ARHGAP32: variants seen among roughly 807,000 people sequenced by gnomAD.
ARHGAP32 encodes rho GTPase-activating protein 32.
A neutral mutation model predicts 186.5 loss-of-function variants in ARHGAP32; 51 were observed. The observed-to-expected ratio is 0.27, with a 90% CI of 0.22 to 0.35. The LOEUF is 0.35. Ranked by LOEUF, ARHGAP32 falls within the 10% of genes least tolerant of loss-of-function variation. ARHGAP32 has a pLI of 1.00. For missense variants in ARHGAP32, 2,186 were observed against 2,623.5 expected, an observed-to-expected ratio of 0.83 and a Z score of 3.64; for synonymous variants, 950 against 964.3, an observed-to-expected ratio of 0.99 and a Z score of 0.27.
Position 128,969,736 on chromosome 11 carries a change from C to T in ARHGAP32, c.5477G>A (p.Ser1826Asn), listed in dbSNP as rs147999435. The T allele has an allele frequency of 3.1e-6, 5 of 1,614,026 alleles. No homozygotes were observed. The highest frequency in any genetic ancestry group is 1.3e-5 in the African/African-American group (1 of 74,906). Residue 1826 changes from serine (S) to asparagine (N), a missense_variant, in exon 23 of 23, where the codon AGC (serine) becomes AAC (asparagine). Physicochemically the swap from Ser to Asn is conservative, Grantham distance 46. Coordinates refer to ENST00000682385, the MANE Select transcript of ARHGAP32 (RefSeq NM_001378024.1). This position sits in a 1 kb window ranked among gnomAD's most constrained non-coding sequence, Gnocchi z 4.8. ...ACTGATGGCCTTGGCTGCATGGCGG[C>T]TCTCCTTTCCTTCTGCCACTGAGAG... ...GLLSVAEGKE[S>N]RHAAKAISPE...
At chr11:129,265,576 T>A (rs1180740176) in intron 1 of ARHGAP32, among the ~76,000 whole-genome samples, 2 of 152,118 alleles carry the variant, frequency 1.3e-5, no homozygotes, top group Non-Finnish European at 2.9e-5. Context: ...CCCCACATAG[T>A]TGAGTAAACC....
chr11:129,156,214 G>T (rs191722789), intron 2 of ARHGAP32, among the ~76,000 whole-genome samples: 2 of 152,244 alleles, frequency 1.3e-5, no homozygotes, highest in Non-Finnish European at 2.9e-5. Flanking sequence ...TCATACCCCA[G>T]TGGCGCCTGG....
intron 11 of ARHGAP32, among the ~76,000 whole-genome samples, chr11:129,026,668 C>T (rs1938862324): frequency 6.6e-6 from 1 of 151,866 alleles, no homozygotes; most frequent in Admixed American, 6.6e-5. Context: ...TGGCGCATGC[C>T]TGTAATCTCA....
chr11:129,263,619 AGAGGGGGAGGGGAGAGG>A (rs1468146905), intron 1 of ARHGAP32, among the ~76,000 whole-genome samples: 1 of 111,892 alleles, frequency 8.9e-6, no homozygotes, highest in African/African-American at 3.4e-5. Context: ...GGGAGCGGGG[AGAGGGGGAGGGGAGAGG>A]GAGGGGGAGG....
chr11:129,104,783 A>G (rs1942004263), intron 5 of ARHGAP32, among the ~76,000 whole-genome samples: 1 of 152,134 alleles, frequency 6.6e-6, no homozygotes, highest in Non-Finnish European at 1.5e-5. Context: ...AACAAGCACA[A>G]TCTCTCAGAG....
chr11:129,252,743 G>C (rs1245042649), intron 1 of ARHGAP32, among the ~76,000 whole-genome samples: 1 of 152,166 alleles, frequency 6.6e-6, no homozygotes. Context: ...AACCGTAAAA[G>C]AACCACAGTC....
intron 9 of ARHGAP32, 21 bp downstream of exon 9, chr11:129,063,881 A>C (rs1189554517): frequency 1.3e-6 from 2 of 1,587,898 alleles, no homozygotes; most frequent in Admixed American, 1.9e-5. Flanking sequence ...CAAATAACAA[A>C]CAACCACTTT....
At chr11:129,021,931 T>C (rs1938613689) in intron 11 of ARHGAP32, among the ~76,000 whole-genome samples, 1 of 152,038 alleles carries the variant, frequency 6.6e-6, no homozygotes, top group Non-Finnish European at 1.5e-5. Context: ...TATAAATTCC[T>C]GACACTTAAA....
At chr11:129,110,440 TATAA>T (rs1942176676) in intron 5 of ARHGAP32, among the ~76,000 whole-genome samples, 1 of 152,200 alleles carries the variant, frequency 6.6e-6, no homozygotes, top group African/African-American at 2.4e-5. Flanking sequence ...TTTGGTTCCA[TATAA>T]ATGTTAGGAT....
chr11:129,085,746 G>A (rs953516397), intron 6 of ARHGAP32, among the ~76,000 whole-genome samples: 2 of 152,118 alleles, frequency 1.3e-5, no homozygotes, highest in Non-Finnish European at 2.9e-5. Context: ...GCTCATACCT[G>A]TAATCCCAGC....
intron 6 of ARHGAP32, among the ~76,000 whole-genome samples, chr11:129,067,473 T>A (rs968881647): frequency 1.3e-5 from 2 of 152,046 alleles, no homozygotes; most frequent in Non-Finnish European, 2.9e-5. Flanking sequence ...TTCTCTTGAA[T>A]CTATCACTTC....
chr11:129,153,524 T>C (rs1943336512), intron 2 of ARHGAP32, among the ~76,000 whole-genome samples: 1 of 152,110 alleles, frequency 6.6e-6, no homozygotes, highest in African/African-American at 2.4e-5. Flanking sequence ...ATGGTACTGG[T>C]ATTTAAAAAA....
intron 1 of ARHGAP32, among the ~76,000 whole-genome samples, chr11:129,250,289 A>T (rs1945163278): frequency 6.6e-6 from 1 of 152,202 alleles, no homozygotes; most frequent in Non-Finnish European, 1.5e-5. Flanking sequence ...AACATGTGTT[A>T]AGAGGAATGT....
chr11:129,115,778 C>G (rs1156281805), intron 5 of ARHGAP32, among the ~76,000 whole-genome samples: 2 of 152,042 alleles, frequency 1.3e-5, no homozygotes, highest in South Asian at 2.1e-4. Context: ...TCTCTCTCCC[C>G]CAAGCCATGT....
At chr11:129,251,933 CA>C (rs11443635) in intron 1 of ARHGAP32, among the ~76,000 whole-genome samples, 48 of 134,290 alleles carry the variant, frequency 3.6e-4, no homozygotes, top group Admixed American at 4.6e-4. Context: ...GACTTCATCT[CA>C]AAAAAAAAAA....
At chr11:129,047,196 A>G (rs1475378658) in intron 10 of ARHGAP32, among the ~76,000 whole-genome samples, 1 of 152,174 alleles carries the variant, frequency 6.6e-6, no homozygotes, top group African/African-American at 2.4e-5. Context: ...AATCTTTAGC[A>G]CTGTTGGCGT....
intron 1 of ARHGAP32, among the ~76,000 whole-genome samples, chr11:129,242,058 T>C (rs768845773): frequency 9.2e-5 from 14 of 152,162 alleles, no homozygotes; most frequent in Non-Finnish European, 1.8e-4. Flanking sequence ...CATGGGAGTA[T>C]TGCTTTTTAA....
chr11:129,248,446 T>G (rs1945133721), intron 1 of ARHGAP32, among the ~76,000 whole-genome samples: 1 of 152,204 alleles, frequency 6.6e-6, no homozygotes, highest in Non-Finnish European at 1.5e-5. Flanking sequence ...AATCAAAATC[T>G]AAGTGAAAAT....
chr11:129,121,395 C>G (rs1171337952), intron 5 of ARHGAP32, among the ~76,000 whole-genome samples: 1 of 151,968 alleles, frequency 6.6e-6, no homozygotes, highest in Non-Finnish European at 1.5e-5. Context: ...AAGCAGAAGG[C>G]AAGCAAAACT....
Sources: allele counts gnomAD v4.1 joint callset (sites outside exome capture counted in the v4.1 genomes callset), GRCh38; gene constraint gnomAD v4.1.1; non-coding constraint Gnocchi (gnomAD v3.1); transcripts MANE v1.5; gene names NCBI Gene and HGNC (gene_info 2026-07-23, HGNC 2026-07-21).